The following CPA1 variants were observed in gnomAD, a reference collection of about 807,000 sequenced individuals.
CPA1 encodes carboxypeptidase A1 (pancreatic).
Under a neutral mutation model 48.7 loss-of-function variants are expected in CPA1, and 42 were observed. The ratio of observed to expected loss-of-function variants is 0.86; its 90% CI spans 0.67 to 1.11. The LOEUF (loss-of-function observed/expected upper bound fraction) is 1.11, where lower values mean the gene tolerates loss of function less well. Among genes scored for constraint, CPA1 ranks in the 50% most tolerant of loss-of-function variants. The probability of loss-of-function intolerance (pLI) is 0.00; values close to 1 mark genes in which losing one functional copy is unlikely to be tolerated. For synonymous variants in CPA1, 203 were observed against 217.9 expected, an observed-to-expected ratio of 0.93 and a Z score of 0.60; for missense variants, 477 against 544.7, an observed-to-expected ratio of 0.88 and a Z score of 1.24.
chr7:130,385,713 C>T, intron 8 of CPA1, 126 bp from the exon 9 acceptor site: 1 of 709,110 alleles, frequency 1.4e-6, no homozygotes, highest in Non-Finnish European at 2.4e-6. Flanking sequence ...GCTCTGTGCT[C>T]CCTGCTGGAG....
At chr7:130,386,012 G>A in intron 9 of CPA1, 89 bp downstream of exon 9, 4 of 1,181,104 alleles carry the variant, frequency 3.4e-6, no homozygotes, top group Non-Finnish European at 4.9e-6. Context: ...ATGGAAGGAA[G>A]TAGCCAAGGG....
At chr7:130,381,939 G>T in intron 3 of CPA1, 76 bp downstream of exon 3, 1 of 1,400,858 alleles carries the variant, frequency 7.1e-7, no homozygotes, top group Non-Finnish European at 9.9e-7. Flanking sequence ...GTAGGGCCAA[G>T]GCCAGGGCCA....
rs578059439 is a variant in CPA1, at chr7:130,384,470, C to A, written c.697-66C>A. ...TGCTCTCTGCAGCCTCTGAACCACC[C>A]CCCACCCAGCACTGTGACAAGCGTC... On this transcript the variant is annotated intron_variant, in intron 6 of 9. Coordinates refer to ENST00000011292, the MANE Select transcript of CPA1 (RefSeq NM_001868.4). The A allele has an allele frequency of 2.2e-3, 3,162 of 1,442,588 alleles. 10 individuals carry two copies. Among genetic ancestry groups the A allele is most frequent in the Non-Finnish European group, 2.8e-3 (2,855 of 1,025,446 alleles). 89.4% of individuals were successfully genotyped at this position (1,442,588 alleles called of 1,614,324 possible).
intron 9 of CPA1, 191 bp downstream of exon 9, chr7:130,386,114 G>C: frequency 1.8e-6 from 1 of 553,214 alleles, no homozygotes; most frequent in Non-Finnish European, 3.2e-6. Flanking sequence ...GATACTTTCA[G>C]ACAAATGTGA....
At chr7:130,381,930 T>G (rs1584850879) in intron 3 of CPA1, 67 bp downstream of exon 3, 2 of 1,476,258 alleles carry the variant, frequency 1.4e-6, no homozygotes, top group Non-Finnish European at 1.9e-6. Context: ...TAGAACGCGG[T>G]AGGGCCAAGG....
In CPA1 at chr7:130,381,858, G is replaced by T. The variant is rs782710719; in HGVS notation, c.376G>T (p.Glu126Ter). Reference sequence around the variant, plus strand: ...TAACTACGCCACCTACCACACCCTGGAGGAGGTGAGGGCGCCCCTAGCGGC... The same window carrying T: ...TAACTACGCCACCTACCACACCCTGTAGGAGGTGAGGGCGCCCCTAGCGGC... Reference protein sequence around the residue: ...TFNYATYHTLEEIYDFLDLLV... With the variant: ...TFNYATYHTL The change falls in exon 3 of 10, where the codon GAG becomes TAG. Residue 126 changes from glutamate to a stop codon, truncating the protein, a stop_gained. Coordinates refer to ENST00000011292, the MANE Select transcript of CPA1 (RefSeq NM_001868.4). LOFTEE classifies it high-confidence loss of function. 14 of 1,612,952 alleles carry T rather than the reference G, an allele frequency of 8.7e-6. No individual in the cohort carries two copies. Among genetic ancestry groups the T allele is most frequent in the Non-Finnish European group, 8.5e-7 (1 of 1,179,646 alleles).
rs201165629 is a variant in CPA1, at chr7:130,382,237, G to C, written c.483+28G>C. On this transcript the variant is annotated intron_variant, in intron 4 of 9. Transcript: ENST00000011292. Reference sequence around the variant, plus strand: ...AACATCCACATGTGGACATACACAGGGGAGAATGGACCCACACGTGGCATC... The same window carrying C: ...AACATCCACATGTGGACATACACAGCGGAGAATGGACCCACACGTGGCATC... 3.9e-4 allele frequency: 614 copies of C among 1,570,162 alleles called. 4 individuals carry two copies. Among genetic ancestry groups the C allele is most frequent in the Non-Finnish European group, 3.1e-4 (354 of 1,140,510 alleles).
At chr7:130,382,329 C>A in intron 4 of CPA1, 120 bp downstream of exon 4, 1 of 732,642 alleles carries the variant, frequency 1.4e-6, no homozygotes, top group South Asian at 1.7e-5. Context: ...ATGGACTCCC[C>A]ATGCAGACAT....
At chr7:130,384,418 C>A in intron 6 of CPA1, 118 bp from the exon 7 acceptor site, 4 of 826,122 alleles carry the variant, frequency 4.8e-6, no homozygotes, top group South Asian at 1.6e-5. Flanking sequence ...GCTTCCACCT[C>A]CAGGGAGCCC....
intron 2 of CPA1, 78 bp from the exon 3 acceptor site, chr7:130,381,552 C>A: frequency 9.3e-7 from 1 of 1,077,344 alleles, no homozygotes; most frequent in Non-Finnish European, 1.4e-6. Context: ...GCCCCTCCCA[C>A]GCAGGCCCTG....
chr7:130,381,889 C>T (rs782742005), intron 3 of CPA1, 26 bp downstream of exon 3: 4 of 1,590,322 alleles, frequency 2.5e-6, no homozygotes, highest in African/African-American at 2.7e-5. Context: ...GCGGCCGCTC[C>T]CTGCAGCCAC....
At chr7:130,384,415 C>A in intron 6 of CPA1, 121 bp from the exon 7 acceptor site, 1 of 800,328 alleles carries the variant, frequency 1.2e-6, no homozygotes, top group Non-Finnish European at 2.1e-6. Flanking sequence ...AGGGCTTCCA[C>A]CTCCAGGGAG....
chr7:130,387,947 C>G lies in CPA1; in HGVS notation c.1196C>G (p.Thr399Arg). 1 of 1,614,182 alleles carries G rather than the reference C, an allele frequency of 6.2e-7. No homozygotes were observed. Among genetic ancestry groups the G allele is most frequent in the Non-Finnish European group, 8.5e-7 (1 of 1,180,030 alleles). Residue 399 changes from threonine (T) to arginine (R), a missense_variant, in exon 10 of 10, where the codon ACA becomes AGA. Transcript: ENST00000011292. The surrounding 1 kb of genome is among the most constrained non-coding windows in gnomAD (Gnocchi z 4.6). ...FLLPASQIIP[T>R]AKETWLALLT... ...CTGCCAGCCTCCCAGATCATCCCCACAGCCAAGGAGACGTGGCTGGCGCTT... is the reference window on the plus strand; with the variant it reads ...CTGCCAGCCTCCCAGATCATCCCCAGAGCCAAGGAGACGTGGCTGGCGCTT...
chr7:130,381,752 C>G lies in CPA1; in HGVS notation c.270C>G (p.Ile90Met), dbSNP rs782675997. 3.2e-5 allele frequency: 52 copies of G among 1,614,050 alleles called. No homozygotes were observed. Among genetic ancestry groups the G allele is most frequent in the Non-Finnish European group, 4.3e-5 (51 of 1,180,030 alleles). Residue 90 changes from isoleucine (I) to methionine (M), a missense_variant, in exon 3 of 10, where the codon ATC becomes ATG. By Grantham distance (10) the Ile-to-Met change is conservative. Transcript: ENST00000011292. The stretch of plus-strand genomic sequence containing the variant: ...ACGGCATCAGCTATGAGACCATGAT[C>G]GAGGACGTGCAGTCGCTGCTGGACG... The part of the protein sequence containing the change: ...ESHGISYETM[I>M]EDVQSLLDEE...
chr7:130,384,992 C>T (rs377571620), intron 7 of CPA1, 154 bp from the exon 8 acceptor site: 4 of 736,380 alleles, frequency 5.4e-6, no homozygotes, highest in South Asian at 1.8e-5. Context: ...GGGCAGTTCC[C>T]CCAGGTTATA....
intron 4 of CPA1, among the ~76,000 whole-genome samples, chr7:130,382,813 T>C (rs1554411425): frequency 6.6e-6 from 1 of 151,402 alleles, no homozygotes; most frequent in African/African-American, 2.4e-5. Flanking sequence ...CCGGCTAATT[T>C]TTTGTATTTT....
chr7:130,384,769 A>T, intron 7 of CPA1, 143 bp downstream of exon 7: 5 of 688,552 alleles, frequency 7.3e-6, no homozygotes, highest in Non-Finnish European at 1.2e-5. Context: ...GCTCTTGGGG[A>T]TGGAGGCTGT....
rs1554411210 is a variant in CPA1 at position 130,381,726 on chromosome 7, C to CA, written c.245dup (p.His82GlnfsTer6). 3 of 1,614,172 alleles carry CA rather than the reference C, an allele frequency of 1.9e-6. No homozygotes were observed. In the South Asian group the frequency reaches 3.3e-5, roughly 18 times the overall value. ...GGCGGTCAAGATCTTTCTGGAGTCCCACGGCATCAGCTATGAGACCATGAT... is the reference window on the plus strand; with the variant it reads ...GGCGGTCAAGATCTTTCTGGAGTCCCAACGGCATCAGCTATGAGACCATGAT... On this transcript the variant is annotated frameshift_variant, in exon 3 of 10. Coordinates refer to ENST00000011292, the MANE Select transcript of CPA1 (RefSeq NM_001868.4). LOFTEE classifies it high-confidence loss of function.
Position 130,385,853 on chromosome 7 carries a change from G to A in CPA1, c.1002G>A (p.Lys334=), listed in dbSNP as rs940900312. The change falls in exon 9 of 10, where the codon AAG becomes AAA. Residue 334 remains lysine, a synonymous_variant. Transcript: ENST00000011292. ...PDQDELDQLS[K]AAVTALASLY... ...GTTTTGTCCAGGATCAGCTTTCCAA[G>A]GCTGCTGTGACAGCCCTGGCCTCTC... The A allele has an allele frequency of 3.2e-5, 51 of 1,613,922 alleles. No individual in the cohort carries two copies. Among genetic ancestry groups the A allele is most frequent in the Non-Finnish European group, 4.1e-5 (48 of 1,179,988 alleles).
Sources: gnomAD v4.1 joint callset for allele counts (sites outside exome capture counted in the v4.1 genomes callset) on GRCh38, gnomAD v4.1.1 for gene constraint, Gnocchi (gnomAD v3.1) non-coding constraint, MANE v1.5 for transcripts, NCBI Gene and HGNC (gene_info 2026-07-23, HGNC 2026-07-21) for gene names.